Variants in CELF2 observed in about 807,000 individuals in gnomAD.
The protein encoded by CELF2 is CUG triplet repeat RNA-binding protein 2.
In CELF2, 8 loss-of-function variants were observed where a neutral mutation model predicts 62.6. The observed-to-expected ratio is 0.13, with a 90% CI of 0.07 to 0.23. The LOEUF (loss-of-function observed/expected upper bound fraction) is 0.23, where lower values mean the gene tolerates loss of function less well. CELF2 is among the 10% of genes least tolerant of loss of function. The pLI is 1.00. For synonymous variants in CELF2, 258 were observed against 250.0 expected (o/e 1.03, Z -0.30); for missense variants, 333 against 671.0 (o/e 0.50, Z 5.56).
chr10:10,940,601 T>C (rs2046947716), intron 2 of CELF2, among the ~76,000 whole-genome samples: 1 of 152,218 alleles, frequency 6.6e-6, no homozygotes, highest in South Asian at 2.1e-4. Context: ...CAGTAACTCA[T>C]ATGGCTATCT....
chr10:10,926,305 G>A (rs906453977), intron 2 of CELF2, among the ~76,000 whole-genome samples: 1 of 152,188 alleles, frequency 6.6e-6, no homozygotes, highest in African/African-American at 2.4e-5. Context: ...AAAAGGGCTT[G>A]TGGGGGCAGA....
chr10:10,694,105 G>T, the CELF2 span, among the ~76,000 whole-genome samples: 1 of 150,328 alleles, frequency 6.7e-6, no homozygotes, highest in African/African-American at 2.5e-5. Context: ...TGTGATGTTA[G>T]GGTGTCAATT....
the CELF2 span, among the ~76,000 whole-genome samples, chr10:10,760,745 A>T: frequency 6.6e-6 from 1 of 152,224 alleles, no homozygotes; most frequent in Non-Finnish European, 1.5e-5. Context: ...AAAGGCCAAC[A>T]GTGTTTCTCG....
chr10:11,233,856 C>T (rs2069888441), intron 3 of CELF2, among the ~76,000 whole-genome samples: 1 of 152,128 alleles, frequency 6.6e-6, no homozygotes, highest in African/African-American at 2.4e-5. Flanking sequence ...GGAGGTTATC[C>T]CTGTAATCCC....
At chr10:11,192,521 G>A (rs1380571681) in intron 2 of CELF2, among the ~76,000 whole-genome samples, 1 of 152,236 alleles carries the variant, frequency 6.6e-6, no homozygotes, top group Admixed American at 6.5e-5. Context: ...CAAGAGCTGG[G>A]TTTCCTGGGA....
At chr10:10,600,208 G>A in the CELF2 span, among the ~76,000 whole-genome samples, 2 of 152,188 alleles carry the variant, frequency 1.3e-5, no homozygotes, top group Non-Finnish European at 1.5e-5. Flanking sequence ...AGAGGAAGCT[G>A]GTTTATGATT....
chr10:10,465,142 G>A, the CELF2 span, among the ~76,000 whole-genome samples: 10 of 152,146 alleles, frequency 6.6e-5, no homozygotes, highest in South Asian at 1.5e-3. Flanking sequence ...AACATTAAAG[G>A]CAACATGAAA....
chr10:10,971,887 C>T (rs1001486289), intron 2 of CELF2, among the ~76,000 whole-genome samples: 1 of 152,154 alleles, frequency 6.6e-6, no homozygotes, highest in African/African-American at 2.4e-5. Context: ...ATGCCTGACC[C>T]ATGCATGCTT....
chr10:11,012,177 T>C lies in CELF2; in HGVS notation c.53+6737T>C, dbSNP rs1375370530. Among the ~76,000 whole-genome samples, 1 of 152,210 alleles carries C rather than the reference T, an allele frequency of 6.6e-6. No individual in the cohort carries two copies. The highest frequency in any genetic ancestry group is 1.5e-5 in the Non-Finnish European group (1 of 68,042). On this transcript the variant is annotated intron_variant, in intron 1 of 12. Transcript: ENST00000416382. This position sits in a 1 kb window ranked among gnomAD's most constrained non-coding sequence, Gnocchi z 5.5. The stretch of plus-strand genomic sequence containing the variant: ...GAAATGCTGAATCCAACAAGTCTGG[T>C]TCTTAAGCCTCAAAATGTCTTCACT...
the CELF2 span, among the ~76,000 whole-genome samples, chr10:10,727,406 T>C: frequency 6.6e-6 from 1 of 152,336 alleles, no homozygotes; most frequent in African/African-American, 2.4e-5. Context: ...TTTATATTGA[T>C]ACGGAACTAA....
intron 2 of CELF2, among the ~76,000 whole-genome samples, chr10:11,188,938 G>GAA (rs1261640689): frequency 1.3e-5 from 2 of 152,172 alleles, no homozygotes; most frequent in East Asian, 3.9e-4. Flanking sequence ...CTCAGACATT[G>GAA]TAGTTTTTAA....
the CELF2 span, among the ~76,000 whole-genome samples, chr10:10,761,328 T>C: frequency 6.6e-6 from 1 of 152,174 alleles, no homozygotes; most frequent in South Asian, 2.1e-4. Context: ...AAGAAAAAGA[T>C]TATACAATGA....
At chr10:10,693,571 G>A in the CELF2 span, among the ~76,000 whole-genome samples, 118 of 151,072 alleles carry the variant, frequency 7.8e-4, 1 homozygote, top group East Asian at 0.018. Flanking sequence ...GATTGGAATA[G>A]TTTCAGAAGG....
chr10:11,173,878 A>G (rs867607185), intron 2 of CELF2, among the ~76,000 whole-genome samples: 1 of 152,246 alleles, frequency 6.6e-6, no homozygotes. Flanking sequence ...AAACTAGGCT[A>G]AAATAAGATG....
intron 2 of CELF2, among the ~76,000 whole-genome samples, chr10:11,198,865 A>G (rs2058580183): frequency 6.6e-6 from 1 of 152,234 alleles, no homozygotes; most frequent in Admixed American, 6.5e-5. Context: ...TGTTTTGAGG[A>G]AAACCCAAGA....
At chr10:10,857,659 A>ATATATATATATAC (rs2059813635) in intron 1 of CELF2, among the ~76,000 whole-genome samples, 1 of 121,420 alleles carries the variant, frequency 8.2e-6, no homozygotes, top group Non-Finnish European at 1.7e-5. Context: ...GTATATATAT[A>ATATATATATATAC]TATATATATA....
At chr10:11,097,342 T>A (rs903662973) in intron 1 of CELF2, 5 of 152,252 alleles carry the variant, frequency 3.3e-5, no homozygotes, top group African/African-American at 1.2e-4. Flanking sequence ...TGTTTCCATT[T>A]GCTTTTCAAG....
At chr10:10,916,860 G>T (rs12261408) in intron 1 of CELF2, among the ~76,000 whole-genome samples, 11,166 of 151,740 alleles carry the variant, frequency 0.074, 989 homozygotes, top group African/African-American at 0.21. Context: ...TGATCCACCT[G>T]CCTCTGCCTC....
At chr10:10,698,380 A>G in the CELF2 span, among the ~76,000 whole-genome samples, 1 of 152,218 alleles carries the variant, frequency 6.6e-6, no homozygotes, top group Non-Finnish European at 1.5e-5. Flanking sequence ...GAACAAGTAA[A>G]TAACAAAACC....
Sources: gnomAD v4.1 joint callset for allele counts (sites outside exome capture counted in the v4.1 genomes callset) on GRCh38, gnomAD v4.1.1 for gene constraint, Gnocchi (gnomAD v3.1) non-coding constraint, MANE v1.5 for transcripts, NCBI Gene and HGNC (gene_info 2026-07-23, HGNC 2026-07-21) for gene names.